NAGK: variants seen among roughly 807,000 people sequenced by gnomAD.
NAGK encodes the protein N-acetyl-D-glucosamine kinase.
In NAGK, 35 loss-of-function variants were observed where a neutral mutation model predicts 42.9. That is an observed-to-expected ratio of 0.82 (90% CI 0.62 to 1.08). The LOEUF (loss-of-function observed/expected upper bound fraction) is 1.08, where lower values mean the gene tolerates loss of function less well. Among genes scored for constraint, NAGK ranks in the 50% least tolerant of loss-of-function variants. The pLI is 0.00. For missense variants in NAGK, 446 were observed against 446.0 expected, an observed-to-expected ratio of 1.00 and a Z score of 0.00; for synonymous variants, 172 against 176.0, an observed-to-expected ratio of 0.98 and a Z score of 0.18.
At position 71,072,690 on chromosome 2, in the gene NAGK, C is replaced by T; in HGVS notation, c.405C>T (p.Asn135=). 1 of 1,614,200 alleles carries T rather than the reference C, an allele frequency of 6.2e-7. No homozygotes were observed. The highest frequency in any genetic ancestry group is 1.6e-4 in the Middle Eastern group (1 of 6,062). ...SGTGSNCRLI[N]PDGSESGCGG... ...CAGGCTCCAACTGCAGGCTCATCAA[C>T]CCTGATGGCTCCGAGAGTGGCTGCG... The change falls in exon 5 of 10, where the codon AAC becomes AAT. Residue 135 remains asparagine (N), a synonymous_variant. Coordinates refer to ENST00000244204, the MANE Select transcript of NAGK (RefSeq NM_017567.6).
chr2:71,076,532 A>G, intron 7 of NAGK, 72 bp from the exon 8 acceptor site: 2 of 1,262,592 alleles, frequency 1.6e-6, no homozygotes, highest in Non-Finnish European at 2.3e-6. Flanking sequence ...CTTGCAACAG[A>G]GAGAGGATAG....
intron 7 of NAGK, chr2:71,075,895 CT>C (rs1358372540): frequency 1.9e-6 from 1 of 517,188 alleles, no homozygotes. Flanking sequence ...GGCTGTATGC[CT>C]GTTTCTGAGG....
chr2:71,077,540 T>C lies in NAGK; in HGVS notation c.766-18T>C. 1 of 1,594,668 alleles carries C rather than the reference T, an allele frequency of 6.3e-7. No individual in the cohort carries two copies. Among genetic ancestry groups the C allele is most frequent in the Non-Finnish European group, 8.5e-7 (1 of 1,170,624 alleles). ...AGGCTAGGTTGGCCCCCATATCCATTTTCTGCTCTCCACCCAGGTCTTGTT... is the reference window on the plus strand; with the variant it reads ...AGGCTAGGTTGGCCCCCATATCCATCTTCTGCTCTCCACCCAGGTCTTGTT... On this transcript the variant is annotated intron_variant, in intron 8 of 9. Transcript: ENST00000244204.
intron 4 of NAGK, 118 bp downstream of exon 4, chr2:71,071,945 C>A: frequency 7.5e-7 from 1 of 1,327,024 alleles, no homozygotes; most frequent in Non-Finnish European, 1.0e-6. Flanking sequence ...TTATATTCCC[C>A]TCAACTCTTT....
upstream of NAGK, chr2:71,068,576 G>GCGCGGGAGGT: frequency 6.6e-7 from 1 of 1,520,012 alleles, no homozygotes; most frequent in Non-Finnish European, 8.8e-7. Flanking sequence ...TCAGCTGGCT[G>GCGCGGGAGGT]CGCGGGAGGT....
intron 3 of NAGK, chr2:71,071,130 C>A: frequency 2.4e-6 from 1 of 418,370 alleles, no homozygotes; most frequent in Non-Finnish European, 4.5e-6. Context: ...CTTCTCTAAG[C>A]CTCAGTTTCC....
intron 5 of NAGK, 104 bp downstream of exon 5, chr2:71,072,855 T>C: frequency 9.9e-7 from 1 of 1,012,838 alleles, no homozygotes; most frequent in Non-Finnish European, 1.5e-6. Context: ...TGGGGCTTCC[T>C]GGGGACAACT....
chr2:71,073,450 C>G (rs1400593699), intron 5 of NAGK, 32 bp from the exon 6 acceptor site: 2 of 1,481,626 alleles, frequency 1.3e-6, no homozygotes, highest in Admixed American at 1.7e-5. Context: ...GATGACTGCT[C>G]CCATCTTCTT....
intron 6 of NAGK, among the ~76,000 whole-genome samples, chr2:71,074,455 C>G (rs1672138582): frequency 6.6e-6 from 1 of 152,174 alleles, no homozygotes; most frequent in African/African-American, 2.4e-5. Context: ...CCGGACTCAG[C>G]CAATTGGTTC....
intron 5 of NAGK, chr2:71,073,050 C>A (rs1572978758): frequency 3.4e-5 from 16 of 473,254 alleles, no homozygotes; most frequent in South Asian, 2.4e-4. Flanking sequence ...GAGGGTAAGG[C>A]CATAGATGCC....
upstream of NAGK, chr2:71,068,478 G>A (rs904599895): frequency 7.1e-7 from 1 of 1,408,778 alleles, no homozygotes; most frequent in Non-Finnish European, 9.2e-7. Context: ...ACCTGGAGGA[G>A]ACACCAGAAG....
At chr2:71,073,324 A>ACC in intron 5 of NAGK, 158 bp from the exon 6 acceptor site, 1 of 188,396 alleles carries the variant, frequency 5.3e-6, no homozygotes. Flanking sequence ...AGACCCTCCC[A>ACC]CCCCCCTCTC....
Position 71,071,824 on chromosome 2 carries a change from G to C in NAGK, c.352G>C (p.Asp118His), listed in dbSNP as rs554431300. ...CGGCTCCATCGCCACAGCTACACCG[G>C]ATGGTGAGGAAGTGGAGGGAGGGGT... The part of the protein sequence containing the change: ...AAGSIATATP[D>H]GGVVLISGTG... The change falls in exon 4 of 10, where the codon GAT becomes CAT. Residue 118 changes from aspartate to histidine, a missense_variant. Transcript: ENST00000244204. 1.4e-5 allele frequency: 23 copies of C among 1,614,040 alleles called. No individual in the cohort carries two copies. The South Asian group carries it at 2.4e-4, about 17-fold the overall frequency.
rs1481087773 is a variant in NAGK at position 71,070,485 on chromosome 2, C to G, written c.30-17C>G. 11 of 1,607,754 alleles carry G rather than the reference C, an allele frequency of 6.8e-6. No individual in the cohort carries two copies. The Admixed American group carries it at 1.8e-4, about 27-fold the overall frequency. On this transcript the variant is annotated splice_polypyrimidine_tract_variant and intron_variant, in intron 1 of 9. Transcript: ENST00000244204. Reference sequence around the variant, plus strand: ...GGTTTTTCCGAGCAAGATCAAGTGCCCTCTTGTGTTCTGTAGGGGAGGCAC... The same window carrying G: ...GGTTTTTCCGAGCAAGATCAAGTGCGCTCTTGTGTTCTGTAGGGGAGGCAC...
intron 1 of NAGK, chr2:71,070,235 C>T (rs1671947780): frequency 2.7e-6 from 1 of 375,318 alleles, no homozygotes. Context: ...GTGGGCCACA[C>T]CTCAGAAAAG....
chr2:71,073,828 G>C (rs919471507), intron 6 of NAGK, among the ~76,000 whole-genome samples: 1 of 152,154 alleles, frequency 6.6e-6, no homozygotes, highest in African/African-American at 2.4e-5. Context: ...GATGGTTTGG[G>C]GACAGGTGAT....
intron 4 of NAGK, 125 bp downstream of exon 4, chr2:71,071,952 C>T: frequency 2.3e-6 from 3 of 1,285,848 alleles, no homozygotes; most frequent in Non-Finnish European, 3.2e-6. Flanking sequence ...CCCCTCAACT[C>T]TTTAAGTAGT....
Position 71,078,816 on chromosome 2 carries a change from CT to C in NAGK, c.*309del, listed in dbSNP as rs1442946305. On this transcript the variant is annotated 3_prime_UTR_variant, in exon 10 of 10. Coordinates refer to ENST00000244204, the MANE Select transcript of NAGK (RefSeq NM_017567.6). ...CTTGGGCAGATGATTTGTCTGTGTG[CT>C]ACCCTTCCCCCCATATTACCATACA... 3.4e-6 allele frequency: 1 copy of C among 294,706 alleles called. No individual in the cohort carries two copies. The highest frequency in any genetic ancestry group is 6.4e-6 in the Non-Finnish European group (1 of 156,512). The allele number at this position is 294,706 out of a possible 1,614,324, so 18.3% of individuals were successfully genotyped here.
chr2:71,071,934 C>A, intron 4 of NAGK, 107 bp downstream of exon 4: 2 of 1,387,996 alleles, frequency 1.4e-6, no homozygotes, highest in African/African-American at 1.4e-5. Flanking sequence ...GGCAGCCACT[C>A]TTATATTCCC....
Sources: gnomAD v4.1 joint callset for allele counts (sites outside exome capture counted in the v4.1 genomes callset) on GRCh38, gnomAD v4.1.1 for gene constraint, MANE v1.5 for transcripts, NCBI Gene and HGNC (gene_info 2026-07-23, HGNC 2026-07-21) for gene names.